The following TATDN1 variants were observed in gnomAD, a reference collection of about 807,000 sequenced individuals.
TATDN1 encodes deoxyribonuclease TATDN1.
In TATDN1, 40 loss-of-function variants were observed where a neutral mutation model predicts 46.4. That is an observed-to-expected ratio of 0.86 (90% confidence interval 0.67 to 1.12). The LOEUF (loss-of-function observed/expected upper bound fraction) is 1.12, where lower values mean the gene tolerates loss of function less well. Ranked by LOEUF, TATDN1 falls within the 50% of genes most tolerant of loss-of-function variation. TATDN1 has a pLI of 0.00. For missense variants in TATDN1, 326 were observed against 348.4 expected (o/e 0.94, Z 0.51); for synonymous variants, 95 against 105.6 (o/e 0.90, Z 0.62).
rs542897356 is a variant in TATDN1, at chr8:124,531,501, C to A, written c.22+7524G>T. 1.2e-4 allele frequency among the ~76,000 whole-genome samples: 19 copies of A among 152,244 alleles called. No individual in the cohort carries two copies. In the South Asian group the frequency reaches 3.9e-3, roughly 32 times the overall value. ...AGTATTTGGCAGGTAAAATGAGTGC[C>A]TCTGTCGCTGTGGAATTCAGTGGGA... On this transcript the variant is annotated intron_variant, in intron 1 of 11. Transcript: ENST00000276692.
intron 1 of TATDN1, among the ~76,000 whole-genome samples, chr8:124,531,979 T>A (rs1821001607): frequency 6.6e-6 from 1 of 152,200 alleles, no homozygotes; most frequent in South Asian, 2.1e-4. Context: ...CGCAATTTTG[T>A]TTCATCCATT....
rs141711839 is a variant in TATDN1, at chr8:124,508,645, G to C, written c.433C>G (p.Pro145Ala). 8 of 1,596,912 alleles carry C rather than the reference G, an allele frequency of 5.0e-6. No individual in the cohort carries two copies. The African/African-American group carries it at 9.4e-5, about 19-fold the overall frequency. Reference sequence around the variant, plus strand: ...GAGTTTCGACAATGAAGAAACATTGGTAATTTTGTTTGTTCTGACAGTTCA... The same window carrying C: ...GAGTTTCGACAATGAAGAAACATTGCTAATTTTGTTTGTTCTGACAGTTCA... ...QFELSEQTKL[P>A]MFLHCRNSHA... is the part of the protein sequence containing the mutation. Residue 145 changes from proline (P) to alanine (A), a missense_variant, in exon 7 of 12, where the codon CCA (proline) becomes GCA (alanine). By Grantham distance (27) the Pro-to-Ala change is conservative. Transcript: ENST00000276692.
chr8:124,510,493 T>C (rs564795458), intron 6 of TATDN1, among the ~76,000 whole-genome samples: 2 of 152,256 alleles, frequency 1.3e-5, no homozygotes, highest in East Asian at 3.9e-4. Flanking sequence ...GAAAATTAGC[T>C]TCCTATAGGA....
At chr8:124,496,646 C>T (rs989288497) in intron 9 of TATDN1, among the ~76,000 whole-genome samples, 3 of 152,182 alleles carry the variant, frequency 2.0e-5, no homozygotes, top group African/African-American at 7.2e-5. Context: ...GTTTTTCATG[C>T]TTGATAGTTC....
At chr8:124,488,937 G>A (rs977687575) in intron 11 of TATDN1, 3 of 435,672 alleles carry the variant, frequency 6.9e-6, no homozygotes, top group African/African-American at 6.2e-5. Flanking sequence ...AATTATTAAA[G>A]CAGCCATCTG....
At chr8:124,523,227 T>A (rs779387909) in intron 1 of TATDN1, 23 of 510,376 alleles carry the variant, frequency 4.5e-5, no homozygotes, top group Non-Finnish European at 7.3e-5. Context: ...GTAAGGCAGA[T>A]CCATTATCAG....
At position 124,518,523 on chromosome 8, in the gene TATDN1, CA is replaced by C. The variant is rs11375686; in HGVS notation, c.202+294del. On this transcript the variant is annotated intron_variant, in intron 4 of 11. Transcript: ENST00000276692. ...TGGGTAACAGAGTGAGACTCCGTCT[CA>C]AAAAAAAAAAAAAAACACACCTGAG... Among the ~76,000 whole-genome samples the C allele has an allele frequency of 9.8e-3, 812 of 83,116 alleles. 6 individuals are homozygous for C. The highest frequency in any genetic ancestry group is 0.013 in the Non-Finnish European group (450 of 35,082). 54.5% of individuals were successfully genotyped at this position (83,116 alleles called of 152,430 possible).
At chr8:124,498,047 A>G (rs1420258593) in intron 9 of TATDN1, among the ~76,000 whole-genome samples, 3 of 151,818 alleles carry the variant, frequency 2.0e-5, no homozygotes, top group Non-Finnish European at 4.4e-5. Context: ...CTCAAATCCC[A>G]CTATGTTGGG....
chr8:124,523,330 C>A, intron 1 of TATDN1: 1 of 249,248 alleles, frequency 4.0e-6, no homozygotes, highest in Non-Finnish European at 7.8e-6. Flanking sequence ...GAAGAGGCTT[C>A]CAGAAAGAAG....
intron 6 of TATDN1, among the ~76,000 whole-genome samples, chr8:124,510,237 G>C (rs1027167728): frequency 5.3e-5 from 8 of 152,052 alleles, no homozygotes; most frequent in Non-Finnish European, 1.2e-4. Flanking sequence ...TGGACAAAAA[G>C]AGATTTTGAT....
chr8:124,496,136 T>C (rs1817450838), intron 9 of TATDN1, among the ~76,000 whole-genome samples: 1 of 152,242 alleles, frequency 6.6e-6, no homozygotes, highest in Non-Finnish European at 1.5e-5. Context: ...GTGTAGCATA[T>C]AATGTGATGA....
intron 6 of TATDN1, among the ~76,000 whole-genome samples, chr8:124,510,049 T>TAAA (rs1818875862): frequency 7.0e-6 from 1 of 142,496 alleles, no homozygotes; most frequent in Admixed American, 7.4e-5. Context: ...AAAAAAAAAT[T>TAAA]AAAAATTAAA....
intron 2 of TATDN1, 38 bp from the exon 3 acceptor site, chr8:124,522,238 G>A: frequency 1.4e-6 from 2 of 1,427,278 alleles, no homozygotes; most frequent in South Asian, 1.3e-5. Flanking sequence ...AAACCTGGCA[G>A]ACAAAAATTT....
At chr8:124,527,266 G>A (rs1277049463) in intron 1 of TATDN1, among the ~76,000 whole-genome samples, 1 of 152,210 alleles carries the variant, frequency 6.6e-6, no homozygotes, top group Non-Finnish European at 1.5e-5. Flanking sequence ...TCACTTTGGG[G>A]TGGAGACTTA....
At chr8:124,500,375 A>C (rs969855785) in intron 9 of TATDN1, among the ~76,000 whole-genome samples, 4 of 152,210 alleles carry the variant, frequency 2.6e-5, no homozygotes, top group Admixed American at 2.6e-4. Flanking sequence ...TGATTAGCTT[A>C]AACTAACATC....
intron 1 of TATDN1, among the ~76,000 whole-genome samples, chr8:124,524,669 C>A (rs185794802): frequency 2.6e-5 from 4 of 152,240 alleles, no homozygotes. Context: ...AGCCTTTATT[C>A]AAGAGAGACT....
intron 1 of TATDN1, among the ~76,000 whole-genome samples, chr8:124,523,825 T>C (rs1311112318): frequency 6.6e-6 from 1 of 151,836 alleles, no homozygotes; most frequent in Non-Finnish European, 1.5e-5. Context: ...AAGGGAGAGG[T>C]CAGAAGACAC....
chr8:124,492,976 T>C (rs1011207209), intron 11 of TATDN1, among the ~76,000 whole-genome samples: 5 of 152,196 alleles, frequency 3.3e-5, no homozygotes, highest in African/African-American at 9.7e-5. Context: ...AAAGACTTTG[T>C]CAGCTCAAGC....
intron 9 of TATDN1, among the ~76,000 whole-genome samples, chr8:124,496,678 T>C (rs1817493890): frequency 6.6e-6 from 1 of 152,246 alleles, no homozygotes; most frequent in African/African-American, 2.4e-5. Flanking sequence ...CACTGAATAA[T>C]ATTCCACTGG....
Sources: allele counts gnomAD v4.1 joint callset (sites outside exome capture counted in the v4.1 genomes callset), GRCh38; gene constraint gnomAD v4.1.1; transcripts MANE v1.5; gene names NCBI Gene and HGNC (gene_info 2026-07-23, HGNC 2026-07-21).